ANKRD28: variants seen among roughly 807,000 people sequenced by gnomAD.
ANKRD28 encodes ankyrin repeat domain 28.
In ANKRD28, 44 loss-of-function variants were observed where a neutral mutation model predicts 126.5. That is an observed-to-expected ratio of 0.35 (90% CI 0.27 to 0.45). ANKRD28 has a LOEUF of 0.45. Among genes scored for constraint, ANKRD28 ranks in the 20% least tolerant of loss-of-function variants. The pLI is 1.00. For synonymous variants in ANKRD28, 442 were observed against 468.5 expected, an observed-to-expected ratio of 0.94 and a Z score of 0.73; for missense variants, 1,110 against 1,316.6, an observed-to-expected ratio of 0.84 and a Z score of 2.43.
At chr3:15,693,366 A>T (rs1281705505) in intron 17 of ANKRD28, among the ~76,000 whole-genome samples, 1 of 152,114 alleles carries the variant, frequency 6.6e-6, no homozygotes, top group Non-Finnish European at 1.5e-5. Context: ...CCACTAATCA[A>T]TGTATAGCAC....
chr3:15,850,205 AT>A (rs773780614), intron 1 of ANKRD28, among the ~76,000 whole-genome samples: 918 of 24,252 alleles, frequency 0.038, 25 homozygotes, highest in Non-Finnish European at 0.049. Flanking sequence ...AAAAAAAAAA[AT>A]ATATATATAT....
At chr3:15,850,212 T>A (rs1367385922) in intron 1 of ANKRD28, among the ~76,000 whole-genome samples, 4 of 65,824 alleles carry the variant, frequency 6.1e-5, no homozygotes, top group African/African-American at 2.0e-4. Context: ...AAAATATATA[T>A]ATATATATAT....
intron 2 of ANKRD28, among the ~76,000 whole-genome samples, chr3:15,783,246 G>C (rs2059618546): frequency 6.6e-6 from 1 of 151,782 alleles, no homozygotes; most frequent in African/African-American, 2.4e-5. Flanking sequence ...AAGAACATTT[G>C]AAAAGACATT....
chr3:15,777,936 A>G (rs1270039590), intron 2 of ANKRD28, among the ~76,000 whole-genome samples: 2 of 151,540 alleles, frequency 1.3e-5, no homozygotes, highest in African/African-American at 4.8e-5. Flanking sequence ...ATACCCACAC[A>G]TAATATAACC....
At chr3:15,744,329 T>G (rs1247126932) in intron 4 of ANKRD28, among the ~76,000 whole-genome samples, 1 of 152,224 alleles carries the variant, frequency 6.6e-6, no homozygotes, top group Non-Finnish European at 1.5e-5. Context: ...TTCTTTTTTT[T>G]TTAGATAGAG....
At chr3:15,700,666 C>T (rs1034377787) in intron 14 of ANKRD28, among the ~76,000 whole-genome samples, 2 of 151,854 alleles carry the variant, frequency 1.3e-5, no homozygotes, top group African/African-American at 2.4e-5. Flanking sequence ...CCCAGCTACT[C>T]GGGAGGCTGA....
chr3:15,700,502 G>C (rs144470504), intron 14 of ANKRD28, among the ~76,000 whole-genome samples: 1,927 of 151,946 alleles, frequency 0.013, 45 homozygotes, highest in African/African-American at 0.044. Context: ...AGGGCCGGGC[G>C]CGGTGGCTCA....
At position 15,845,265 on chromosome 3, in the gene ANKRD28, TAA is replaced by T. The variant is rs1424679297; in HGVS notation, c.27+14110_27+14111del. On this transcript the variant is annotated intron_variant, in intron 1 of 27. Coordinates refer to the ANKRD28 transcript ENST00000399451. The surrounding 1 kb of genome is among the most constrained non-coding windows in gnomAD (Gnocchi z 4.9). ...GTCACCTATTATTAAATGAGTGGAT[TAA>T]CTGTTACATAACATATACACAATCT... Among the ~76,000 whole-genome samples the T allele has an allele frequency of 6.6e-6, 1 of 152,074 alleles. No homozygotes were observed. The highest frequency in any genetic ancestry group is 1.5e-5 in the Non-Finnish European group (1 of 68,024).
intron 4 of ANKRD28, among the ~76,000 whole-genome samples, chr3:15,740,335 G>C (rs1176530111): frequency 6.6e-6 from 1 of 152,052 alleles, no homozygotes; most frequent in East Asian, 1.9e-4. Flanking sequence ...AAACTTAAGG[G>C]TGTACACTAA....
chr3:15,694,033 G>C (rs2069173302), intron 17 of ANKRD28, among the ~76,000 whole-genome samples: 1 of 151,966 alleles, frequency 6.6e-6, no homozygotes, highest in Admixed American at 6.6e-5. Flanking sequence ...GAGTACCCTG[G>C]TCTCCTGATT....
chr3:15,723,201 G>C (rs1030307518), intron 7 of ANKRD28, among the ~76,000 whole-genome samples: 1 of 152,162 alleles, frequency 6.6e-6, no homozygotes, highest in Non-Finnish European at 1.5e-5. Flanking sequence ...TTTTTGCAAC[G>C]TCTTCTTGTG....
At chr3:15,713,919 AAATT>A (rs1333962422) in intron 9 of ANKRD28, among the ~76,000 whole-genome samples, 5 of 152,226 alleles carry the variant, frequency 3.3e-5, no homozygotes, top group Non-Finnish European at 5.9e-5. Context: ...TATTAAAACA[AAATT>A]AAACACGTTT....
intron 4 of ANKRD28, among the ~76,000 whole-genome samples, chr3:15,749,644 G>A (rs1040471504): frequency 3.9e-5 from 6 of 152,178 alleles, no homozygotes; most frequent in African/African-American, 9.7e-5. Flanking sequence ...GGGAAGATCT[G>A]GGATTCAAGG....
intron 1 of ANKRD28, among the ~76,000 whole-genome samples, chr3:15,803,163 T>C (rs941599737): frequency 2.0e-5 from 3 of 152,160 alleles, no homozygotes; most frequent in Non-Finnish European, 2.9e-5. Flanking sequence ...AAGGAAGTCA[T>C]GATTTGCTTT....
rs936553229 is a variant in ANKRD28, at chr3:15,669,227, T to C, written c.*1043A>G. 3 of 152,192 alleles carry C rather than the reference T, an allele frequency of 2.0e-5. No homozygotes were observed. Among genetic ancestry groups the C allele is most frequent in the African/African-American group, 7.2e-5 (3 of 41,448 alleles). The allele number at this position is 152,192 out of a possible 1,614,324, so 9.4% of individuals were successfully genotyped here. A position where few individuals can be genotyped will look rare whatever the true frequency, so the allele number is the denominator to read the frequency against. ...CAAGGAATTATTTTCCTTTTGATTA[T>C]TCACTTTTTCAAAACTCATAGATCA... On this transcript the variant is annotated 3_prime_UTR_variant, in exon 28 of 28. Coordinates refer to ENST00000683139, the MANE Select transcript of ANKRD28 (RefSeq NM_001349278.2).
chr3:15,701,346 TA>T (rs536513139), intron 14 of ANKRD28, among the ~76,000 whole-genome samples: 6 of 152,046 alleles, frequency 3.9e-5, no homozygotes, highest in Non-Finnish European at 8.8e-5. Context: ...TCAAGCATAA[TA>T]AAAAAAAGAA....
intron 8 of ANKRD28, among the ~76,000 whole-genome samples, chr3:15,718,808 T>C (rs1276553658): frequency 6.6e-6 from 1 of 152,232 alleles, no homozygotes; most frequent in Non-Finnish European, 1.5e-5. Context: ...GAAAACTTGG[T>C]TGTGACGTTT....
intron 1 of ANKRD28, among the ~76,000 whole-genome samples, chr3:15,824,405 C>T (rs947248243): frequency 2.0e-5 from 3 of 152,132 alleles, no homozygotes; most frequent in Admixed American, 1.3e-4. Flanking sequence ...ATCTGCCTGC[C>T]TCGGCCTCCC....
intron 1 of ANKRD28, among the ~76,000 whole-genome samples, chr3:15,836,444 G>A (rs925442856): frequency 2.0e-5 from 3 of 151,926 alleles, no homozygotes. Context: ...GAGATGTATA[G>A]AAAACAAATA....
Sources: allele counts gnomAD v4.1 joint callset (sites outside exome capture counted in the v4.1 genomes callset), GRCh38; gene constraint gnomAD v4.1.1; non-coding constraint Gnocchi (gnomAD v3.1); transcripts MANE v1.5; gene names NCBI Gene and HGNC (gene_info 2026-07-23, HGNC 2026-07-21).